ADCYAP1R1: variants seen among roughly 807,000 people sequenced by gnomAD.
The protein encoded by ADCYAP1R1 is pituitary adenylate cyclase-activating polypeptide type I receptor.
In ADCYAP1R1, 44 loss-of-function variants were observed where a neutral mutation model predicts 67.6. The ratio of observed to expected loss-of-function variants is 0.65; its 90% CI spans 0.51 to 0.84. The LOEUF (loss-of-function observed/expected upper bound fraction) is 0.84. Ranked by LOEUF, ADCYAP1R1 falls within the 40% of genes least tolerant of loss-of-function variation. The pLI is 0.00. For synonymous variants in ADCYAP1R1, 222 were observed against 219.6 expected, an observed-to-expected ratio of 1.01 and a Z score of -0.10; for missense variants, 477 against 587.9, an observed-to-expected ratio of 0.81 and a Z score of 1.95.
intron 13 of ADCYAP1R1, among the ~76,000 whole-genome samples, chr7:31,101,883 G>T (rs1279873831): frequency 6.6e-6 from 1 of 152,212 alleles, no homozygotes; most frequent in East Asian, 1.9e-4. Flanking sequence ...TCGGATCCTG[G>T]TGGCCCTTGT....
At chr7:31,056,605 C>G (rs1794255964) in intron 1 of ADCYAP1R1, among the ~76,000 whole-genome samples, 1 of 152,128 alleles carries the variant, frequency 6.6e-6, no homozygotes, top group Non-Finnish European at 1.5e-5. Context: ...ACTTTCCATC[C>G]CAACCGCCTT....
intron 13 of ADCYAP1R1, among the ~76,000 whole-genome samples, chr7:31,096,676 A>G (rs1408625802): frequency 1.3e-5 from 2 of 151,674 alleles, no homozygotes; most frequent in Admixed American, 1.3e-4. Context: ...GTTGCGGAGG[A>G]GGTGGTGGTG....
intron 14 of ADCYAP1R1, among the ~76,000 whole-genome samples, chr7:31,103,849 G>A (rs928702705): frequency 1.3e-5 from 2 of 152,178 alleles, no homozygotes; most frequent in African/African-American, 4.8e-5. Context: ...CTGCCTTAGT[G>A]CCTGGAGGAA....
At chr7:31,070,732 G>A (rs527534782) in intron 3 of ADCYAP1R1, among the ~76,000 whole-genome samples, 3 of 152,164 alleles carry the variant, frequency 2.0e-5, no homozygotes, top group African/African-American at 7.2e-5. Flanking sequence ...CGTGAAGTCT[G>A]GTCATTCTAA....
intron 1 of ADCYAP1R1, among the ~76,000 whole-genome samples, chr7:31,055,242 A>G (rs1236379251): frequency 6.6e-6 from 1 of 152,124 alleles, no homozygotes; most frequent in Admixed American, 6.6e-5. Flanking sequence ...ATCTGGGCAC[A>G]CCCGGGGACT....
intron 14 of ADCYAP1R1, among the ~76,000 whole-genome samples, chr7:31,103,643 C>T (rs557218466): frequency 2.0e-5 from 3 of 152,196 alleles, no homozygotes; most frequent in Non-Finnish European, 4.4e-5. Flanking sequence ...GCCTGGGGTG[C>T]AGGGTGGAGT....
chr7:31,062,579 C>T (rs1397601372), intron 1 of ADCYAP1R1, among the ~76,000 whole-genome samples: 7 of 152,202 alleles, frequency 4.6e-5, no homozygotes, highest in East Asian at 1.9e-4. Flanking sequence ...CTGGGCTCCA[C>T]GAGGTTGCTT....
chr7:31,093,948 G>T (rs953541621), intron 13 of ADCYAP1R1, among the ~76,000 whole-genome samples: 1 of 151,958 alleles, frequency 6.6e-6, no homozygotes, highest in Non-Finnish European at 1.5e-5. Context: ...CTTCCCTAAG[G>T]CTCCCTGAGG....
chr7:31,073,171 C>T (rs1485866670), intron 3 of ADCYAP1R1, among the ~76,000 whole-genome samples: 1 of 152,130 alleles, frequency 6.6e-6, no homozygotes, highest in Non-Finnish European at 1.5e-5. Flanking sequence ...ATGAGTACAC[C>T]ATCCAGTGTC....
chr7:31,092,815 C>A, intron 13 of ADCYAP1R1, 80 bp downstream of exon 13: 1 of 980,894 alleles, frequency 1.0e-6, no homozygotes, highest in Non-Finnish European at 1.6e-6. Context: ...AGAAGGCGGC[C>A]TGGGCTTTGC....
chr7:31,063,783 G>A (rs1220965418), intron 2 of ADCYAP1R1, among the ~76,000 whole-genome samples: 1 of 152,232 alleles, frequency 6.6e-6, no homozygotes, highest in Non-Finnish European at 1.5e-5. Flanking sequence ...GTTCAGAGTA[G>A]CAGTGGGTGA....
intron 1 of ADCYAP1R1, among the ~76,000 whole-genome samples, chr7:31,055,224 T>TCACACAGATCTGGGCA (rs2128611489): frequency 6.6e-6 from 1 of 152,158 alleles, no homozygotes; most frequent in Non-Finnish European, 1.5e-5. Flanking sequence ...ACACACCCTC[T>TCACACAGATCTGGGCA]CACACAGATC....
At chr7:31,057,863 C>T (rs1201314526) in intron 1 of ADCYAP1R1, among the ~76,000 whole-genome samples, 1 of 152,184 alleles carries the variant, frequency 6.6e-6, no homozygotes, top group Non-Finnish European at 1.5e-5. Flanking sequence ...ATGTACTTAG[C>T]CTGGCCATCT....
rs1003137355 is a variant in ADCYAP1R1, at chr7:31,107,499, C to T, written c.*815C>T. On this transcript the variant is annotated 3_prime_UTR_variant, in exon 16 of 16. Coordinates refer to ENST00000304166, the MANE Select transcript of ADCYAP1R1 (RefSeq NM_001118.5). ...CTTCGCCATCTCCATTGTTTTACCC[C>T]CAGCTCAAGATGGACAGGGTTCTTC... is the stretch of plus-strand genomic sequence containing the variant. 6.6e-6 allele frequency: 1 copy of T among 152,232 alleles called. No individual in the cohort carries two copies. The highest frequency in any genetic ancestry group is 2.1e-4 in the South Asian group (1 of 4,834). 9.4% of individuals were successfully genotyped at this position (152,232 alleles called of 1,614,324 possible). A position where few individuals can be genotyped will look rare whatever the true frequency, so the allele number is the denominator to read the frequency against.
In ADCYAP1R1 at chr7:31,081,662, G is replaced by A. The variant is rs370556817; in HGVS notation, c.287-51G>A. 292 of 1,480,262 alleles carry A rather than the reference G, an allele frequency of 2.0e-4. 2 individuals carry two copies. In the African/African-American group the frequency reaches 3.4e-3, roughly 17 times the overall value. 91.7% of individuals were successfully genotyped at this position (1,480,262 alleles called of 1,614,324 possible). A position where few individuals can be genotyped will look rare whatever the true frequency, so the allele number is the denominator to read the frequency against. On this transcript the variant is annotated intron_variant, in intron 5 of 15. Transcript: ENST00000304166. ...CTTCCAGGGTGGAGAGTAAACAGTA[G>A]CTAACTGTAAGCCAGGCATTTTGAT...
At position 31,083,404 on chromosome 7, in the gene ADCYAP1R1, C is replaced by T. The variant is rs2267731; in HGVS notation, c.329-737C>T. On this transcript the variant is annotated intron_variant, in intron 6 of 15. Transcript: ENST00000304166. The stretch of plus-strand genomic sequence containing the variant: ...CAAATGACTCATTTAATGGCCATGA[C>T]TGATCCCACCCCCTCGAGTGTCCCA... Among the ~76,000 whole-genome samples, 1,740 of 152,332 alleles carry T rather than the reference C, an allele frequency of 0.011. 111 individuals are homozygous for T. In the East Asian group the frequency reaches 0.19, roughly 17 times the overall value.
At position 31,082,199 on chromosome 7, in the gene ADCYAP1R1, G is replaced by A. The variant is rs958729120; in HGVS notation, c.328+445G>A. Among the ~76,000 whole-genome samples the A allele has an allele frequency of 6.6e-5, 10 of 152,308 alleles. No homozygotes were observed. In the South Asian group the frequency reaches 1.0e-3, roughly 16 times the overall value. ...GCCAGTCTCCCAGGTGATGCTGATG[G>A]GCTGATCCGGGACGGGCACCCCTTC... On this transcript the variant is annotated intron_variant, in intron 6 of 15. Coordinates refer to ENST00000304166, the MANE Select transcript of ADCYAP1R1 (RefSeq NM_001118.5).
chr7:31,091,317 C>T (rs780804425), intron 12 of ADCYAP1R1, among the ~76,000 whole-genome samples: 2 of 152,100 alleles, frequency 1.3e-5, no homozygotes, highest in Admixed American at 1.3e-4. Context: ...GGATATTAGA[C>T]CTTTGTTGGA....
chr7:31,071,178 A>T (rs1393997067), intron 3 of ADCYAP1R1, among the ~76,000 whole-genome samples: 2 of 152,206 alleles, frequency 1.3e-5, no homozygotes, highest in African/African-American at 4.8e-5. Flanking sequence ...GGACAAAATC[A>T]TCACCATGAC....
Sources: allele counts gnomAD v4.1 joint callset (sites outside exome capture counted in the v4.1 genomes callset), GRCh38; gene constraint gnomAD v4.1.1; transcripts MANE v1.5; gene names NCBI Gene and HGNC (gene_info 2026-07-23, HGNC 2026-07-21).